The following NCK1 variants were observed in gnomAD, a reference collection of about 807,000 sequenced individuals.
NCK1 encodes the protein NCK adaptor protein 1.
NCK1 carries 19 observed loss-of-function variants against 36.6 expected under a neutral mutation model. The ratio of observed to expected loss-of-function variants is 0.52; its 90% CI spans 0.36 to 0.76. NCK1 has a LOEUF of 0.76. Ranked by LOEUF, NCK1 falls within the 30% of genes least tolerant of loss-of-function variation. The pLI, the probability that NCK1 is intolerant of heterozygous loss-of-function variation, is 0.00. For synonymous variants in NCK1, 165 were observed against 156.0 expected (o/e 1.06, Z -0.43); for missense variants, 358 against 445.6 (o/e 0.80, Z 1.77).
intron 1 of NCK1, among the ~76,000 whole-genome samples, chr3:136,908,380 G>A (rs1370315941): frequency 2.0e-5 from 3 of 152,142 alleles, no homozygotes; most frequent in Non-Finnish European, 4.4e-5. Flanking sequence ...AAAAGATAAA[G>A]CCTTGTTCAA....
At chr3:136,865,985 G>A (rs761123243) in intron 1 of NCK1, among the ~76,000 whole-genome samples, 9 of 152,102 alleles carry the variant, frequency 5.9e-5, no homozygotes, top group African/African-American at 1.9e-4. Context: ...CTACTCACTA[G>A]CCTTTAATTG....
At chr3:136,921,590 AACT>A (rs1246708876) in intron 1 of NCK1, among the ~76,000 whole-genome samples, 1 of 152,186 alleles carries the variant, frequency 6.6e-6, no homozygotes, top group Non-Finnish European at 1.5e-5. Flanking sequence ...GTTGGTCCAT[AACT>A]AGAATTATAG....
intron 1 of NCK1, among the ~76,000 whole-genome samples, chr3:136,915,838 G>A (rs898366780): frequency 6.6e-6 from 1 of 151,710 alleles, no homozygotes; most frequent in South Asian, 2.1e-4. Flanking sequence ...CAATTCTCCT[G>A]TCTCAGCCTC....
At chr3:136,911,305 T>C (rs1939822940) in intron 1 of NCK1, among the ~76,000 whole-genome samples, 1 of 152,178 alleles carries the variant, frequency 6.6e-6, no homozygotes, top group Admixed American at 6.5e-5. Context: ...TAGCTCTAAT[T>C]TAGTTTTTTG....
chr3:136,944,290 T>C (rs1317630386), intron 2 of NCK1, among the ~76,000 whole-genome samples: 3 of 151,868 alleles, frequency 2.0e-5, no homozygotes, highest in African/African-American at 7.3e-5. Context: ...AGCTAATTTT[T>C]GTATTTTTAG....
intron 1 of NCK1, among the ~76,000 whole-genome samples, chr3:136,897,157 T>G (rs1298139): frequency 6.6e-6 from 1 of 152,124 alleles, no homozygotes; most frequent in Non-Finnish European, 1.5e-5. Flanking sequence ...GGTGTGATCT[T>G]AGCTCACTGC....
chr3:136,891,258 C>T (rs1939236822), intron 1 of NCK1, among the ~76,000 whole-genome samples: 1 of 152,184 alleles, frequency 6.6e-6, no homozygotes, highest in Admixed American at 6.5e-5. Context: ...CCTCAGCCTC[C>T]CAAGTAGCTG....
chr3:136,883,136 G>A (rs1349407934), intron 1 of NCK1, among the ~76,000 whole-genome samples: 3 of 152,064 alleles, frequency 2.0e-5, no homozygotes, highest in African/African-American at 4.8e-5. Context: ...GCTAAGGCTG[G>A]TCTCGTACTA....
At chr3:136,877,234 T>G (rs1938800564) in intron 1 of NCK1, among the ~76,000 whole-genome samples, 1 of 152,186 alleles carries the variant, frequency 6.6e-6, no homozygotes, top group Non-Finnish European at 1.5e-5. Flanking sequence ...TATGAAAGTT[T>G]TTCCCAAATT....
chr3:136,902,434 A>G lies in NCK1; in HGVS notation c.-18-25550A>G, dbSNP rs746772925. 3.3e-5 allele frequency among the ~76,000 whole-genome samples: 5 copies of G among 152,192 alleles called. No homozygotes were observed. In the South Asian group the frequency reaches 6.2e-4, roughly 19 times the overall value. On this transcript the variant is annotated intron_variant, in intron 1 of 3. Transcript: ENST00000481752. ...GGTCTCGAGCTCCTGAGCTCAGGCA[A>G]TCTGCCCACCTCGGCCTCCCAGAGT...
Position 136,950,487 on chromosome 3 carries a change from A to G in NCK1, c.*2034A>G, listed in dbSNP as rs1417014782. Among the ~76,000 whole-genome samples, 1 of 152,152 alleles carries G rather than the reference A, an allele frequency of 6.6e-6. No homozygotes were observed. Among genetic ancestry groups the G allele is most frequent in the East Asian group, 1.9e-4 (1 of 5,204 alleles). On this transcript the variant is annotated 3_prime_UTR_variant, in exon 4 of 4. Coordinates refer to ENST00000481752, the MANE Select transcript of NCK1 (RefSeq NM_001291999.2). ...GTAATATCTATTGTGTGCTCTTACT[A>G]TGGTATAAAAACCTCGCTGGAAGCT...
chr3:136,864,550 G>A (rs909812733), intron 1 of NCK1, among the ~76,000 whole-genome samples: 1 of 151,634 alleles, frequency 6.6e-6, no homozygotes, highest in African/African-American at 2.4e-5. Flanking sequence ...TAGATACTGA[G>A]GGAGACCAGG....
intron 2 of NCK1, among the ~76,000 whole-genome samples, chr3:136,931,400 A>C (rs1324642284): frequency 6.6e-6 from 1 of 152,238 alleles, no homozygotes; most frequent in Non-Finnish European, 1.5e-5. Flanking sequence ...GAGTAACCTG[A>C]CAAGAGATTC....
At chr3:136,863,107 C>G (rs142355123) in intron 1 of NCK1, among the ~76,000 whole-genome samples, 2 of 152,158 alleles carry the variant, frequency 1.3e-5, no homozygotes, top group East Asian at 1.9e-4. Flanking sequence ...ACCGTAGGAA[C>G]GCTCTCGGTG....
intron 1 of NCK1, among the ~76,000 whole-genome samples, chr3:136,893,189 T>TACACAC (rs1487055285): frequency 1.5e-4 from 19 of 123,060 alleles, no homozygotes; most frequent in Admixed American, 2.5e-4. Flanking sequence ...TATATATATA[T>TACACAC]ATACACACAT....
At chr3:136,943,870 CAAA>C (rs929689471) in intron 2 of NCK1, among the ~76,000 whole-genome samples, 1 of 152,068 alleles carries the variant, frequency 6.6e-6, no homozygotes, top group African/African-American at 2.4e-5. Context: ...TCGGGGAAGT[CAAA>C]GAAGAAGAAA....
chr3:136,879,833 G>C (rs1240085485), intron 1 of NCK1, among the ~76,000 whole-genome samples: 1 of 151,442 alleles, frequency 6.6e-6, no homozygotes, highest in Non-Finnish European at 1.5e-5. Flanking sequence ...CACACATTGG[G>C]GCCTGTTGGC....
intron 2 of NCK1, among the ~76,000 whole-genome samples, chr3:136,939,150 T>C (rs1940607660): frequency 6.6e-6 from 1 of 152,248 alleles, no homozygotes; most frequent in Admixed American, 6.5e-5. Flanking sequence ...GATTGAATCT[T>C]TTACTTGTTA....
chr3:136,885,857 T>G (rs996977342), intron 1 of NCK1, among the ~76,000 whole-genome samples: 9 of 152,208 alleles, frequency 5.9e-5, no homozygotes, highest in East Asian at 1.9e-4. Flanking sequence ...AAGAGATATG[T>G]TCTTTTTAGA....
Sources: gnomAD v4.1 joint callset for allele counts (sites outside exome capture counted in the v4.1 genomes callset) on GRCh38, gnomAD v4.1.1 for gene constraint, MANE v1.5 for transcripts, NCBI Gene and HGNC (gene_info 2026-07-23, HGNC 2026-07-21) for gene names.